Variants in EYA3 observed in about 807,000 individuals in gnomAD.
EYA3 encodes the protein EYA transcriptional coactivator and phosphatase 3, also known as protein phosphatase EYA3.
A neutral mutation model predicts 80.0 loss-of-function variants in EYA3; 39 were observed. That is an observed-to-expected ratio of 0.49 (90% CI 0.38 to 0.64). The LOEUF (loss-of-function observed/expected upper bound fraction) is 0.64, where lower values mean the gene tolerates loss of function less well. EYA3 is among the 30% of genes least tolerant of loss of function. The pLI is 0.00. For missense variants in EYA3, 523 were observed against 676.1 expected, an observed-to-expected ratio of 0.77 and a Z score of 2.51; for synonymous variants, 206 against 232.8, an observed-to-expected ratio of 0.88 and a Z score of 1.05.
intron 1 of EYA3, among the ~76,000 whole-genome samples, chr1:28,072,410 AGAT>A (rs1193627265): frequency 1.3e-5 from 2 of 152,098 alleles, no homozygotes; most frequent in African/African-American, 2.4e-5. Context: ...TGGCCTCTGT[AGAT>A]TTAGATCCTT....
intron 1 of EYA3, among the ~76,000 whole-genome samples, chr1:28,078,222 C>T (rs1163058404): frequency 3.9e-5 from 6 of 152,306 alleles, no homozygotes; most frequent in Admixed American, 2.0e-4. Context: ...ATTAAGATTA[C>T]GGCCCAAATA....
At chr1:28,074,177 A>G (rs1188875439) in intron 1 of EYA3, among the ~76,000 whole-genome samples, 1 of 152,222 alleles carries the variant, frequency 6.6e-6, no homozygotes, top group Non-Finnish European at 1.5e-5. Flanking sequence ...GTCAAATTGT[A>G]TAAATTCTTA....
At position 28,048,310 on chromosome 1, in the gene EYA3, C is replaced by A. The variant is rs541044300; in HGVS notation, c.77+73G>T. The A allele has an allele frequency of 3.8e-6, 4 of 1,044,928 alleles. No individual in the cohort carries two copies. The African/African-American group carries it at 6.5e-5, about 17-fold the overall frequency. The allele number at this position is 1,044,928 out of a possible 1,614,324, so 64.7% of individuals were successfully genotyped here. On this transcript the variant is annotated intron_variant, in intron 3 of 17. Transcript: ENST00000373871. ...AAAAAGAGGGCAAAGCATGCCCATA[C>A]GCTAATCAGCATGTGAAAAAAAAAA...
intron 17 of EYA3, among the ~76,000 whole-genome samples, chr1:27,975,508 CAG>C (rs1454480762): frequency 1.4e-5 from 2 of 137,998 alleles, no homozygotes; most frequent in East Asian, 2.2e-4. Context: ...TTTTTTGAGA[CAG>C]AGTCTCACTC....
intron 1 of EYA3, among the ~76,000 whole-genome samples, chr1:28,080,855 A>G (rs1645398577): frequency 6.6e-6 from 1 of 151,718 alleles, no homozygotes; most frequent in Non-Finnish European, 1.5e-5. Flanking sequence ...GGTTTAAGCG[A>G]TTCTCCTGCC....
At chr1:28,041,136 G>A (rs1014037221) in intron 4 of EYA3, among the ~76,000 whole-genome samples, 60 of 152,268 alleles carry the variant, frequency 3.9e-4, no homozygotes, top group African/African-American at 1.2e-3. Context: ...GGCTGAGGCC[G>A]GCAGATCACT....
Position 28,012,204 on chromosome 1 carries a change from G to A in EYA3, c.769+907C>T, listed in dbSNP as rs146718703. Among the ~76,000 whole-genome samples the A allele has an allele frequency of 3.3e-3, 497 of 152,292 alleles. 2 individuals carry two copies. Among genetic ancestry groups the A allele is most frequent in the Non-Finnish European group, 5.4e-3 (367 of 68,028 alleles). ...ACTGTTGAAGATGAATGATGGATATGTAAGTGTTCATCACACTAGCCTTGC... is the reference window on the plus strand; with the variant it reads ...ACTGTTGAAGATGAATGATGGATATATAAGTGTTCATCACACTAGCCTTGC... On this transcript the variant is annotated intron_variant, in intron 9 of 17. Coordinates refer to ENST00000373871, the MANE Select transcript of EYA3 (RefSeq NM_001990.4).
intron 1 of EYA3, among the ~76,000 whole-genome samples, chr1:28,067,633 T>G (rs1644879333): frequency 6.6e-6 from 1 of 151,820 alleles, no homozygotes. Flanking sequence ...GACAACAGTA[T>G]AGGCAGAAAG....
intron 5 of EYA3, among the ~76,000 whole-genome samples, chr1:28,036,449 G>A (rs186154025): frequency 1.8e-3 from 272 of 152,312 alleles, no homozygotes; most frequent in Non-Finnish European, 3.2e-3. Flanking sequence ...CTGGAAAAGC[G>A]GGTGAGGCTG....
chr1:27,986,851 T>A (rs1179720484), intron 16 of EYA3, among the ~76,000 whole-genome samples: 2 of 152,026 alleles, frequency 1.3e-5, no homozygotes, highest in Non-Finnish European at 2.9e-5. Flanking sequence ...TGCAGGCGAG[T>A]GCCACCACGC....
At chr1:28,047,935 G>C (rs1278550134) in intron 3 of EYA3, among the ~76,000 whole-genome samples, 1 of 152,164 alleles carries the variant, frequency 6.6e-6, no homozygotes, top group African/African-American at 2.4e-5. Flanking sequence ...GACCGTGCCA[G>C]GCGCAAGCTT....
At chr1:28,059,478 C>T (rs977607097) in intron 1 of EYA3, among the ~76,000 whole-genome samples, 2 of 152,170 alleles carry the variant, frequency 1.3e-5, no homozygotes, top group African/African-American at 4.8e-5. Flanking sequence ...CAGCTTAGAA[C>T]AACACAGTCA....
At chr1:27,990,029 AG>A (rs1336835115) in intron 14 of EYA3, 3 of 229,556 alleles carry the variant, frequency 1.3e-5, no homozygotes, top group African/African-American at 6.9e-5. Flanking sequence ...TGCTGTATAT[AG>A]GGGTGGGGTC....
At chr1:27,977,140 C>T in intron 17 of EYA3, 2 of 1,419,794 alleles carry the variant, frequency 1.4e-6, no homozygotes, top group Non-Finnish European at 9.2e-7. Flanking sequence ...CCTACACCCA[C>T]TAGTGTCTTT....
In EYA3 at chr1:28,013,014, T is replaced by C. The variant is rs1339012461; in HGVS notation, c.769+97A>G. On this transcript the variant is annotated intron_variant, in intron 9 of 17. Coordinates refer to ENST00000373871, the MANE Select transcript of EYA3 (RefSeq NM_001990.4). This position sits in a 1 kb window ranked among gnomAD's most constrained non-coding sequence, Gnocchi z 4.0. ...GGGAAAGCCAAAAGCATGGTAACAA[T>C]GACTTAAGACAGAACAAAATCATCC... The C allele has an allele frequency of 1.3e-5, 17 of 1,315,452 alleles. No homozygotes were observed. Among genetic ancestry groups the C allele is most frequent in the Non-Finnish European group, 1.8e-5 (17 of 955,290 alleles). 81.5% of individuals were successfully genotyped at this position (1,315,452 alleles called of 1,614,324 possible). A position where few individuals can be genotyped will look rare whatever the true frequency, so the allele number is the denominator to read the frequency against.
intron 7 of EYA3, among the ~76,000 whole-genome samples, chr1:28,023,137 A>G (rs1440320873): frequency 3.9e-5 from 6 of 152,124 alleles, no homozygotes; most frequent in African/African-American, 1.4e-4. Context: ...CAAAAGGCAT[A>G]GGAGCCAACT....
chr1:28,042,245 A>T (rs531499476), intron 4 of EYA3, among the ~76,000 whole-genome samples: 137 of 152,352 alleles, frequency 9.0e-4, no homozygotes, highest in African/African-American at 3.2e-3. Flanking sequence ...TTTAAAAAAT[A>T]TACATGGGAA....
At chr1:28,070,265 A>T (rs1195394127) in intron 1 of EYA3, among the ~76,000 whole-genome samples, 1 of 152,098 alleles carries the variant, frequency 6.6e-6, no homozygotes, top group Non-Finnish European at 1.5e-5. Context: ...GGAAATGAAG[A>T]AATCTAAGTA....
chr1:28,064,808 CTA>C lies in EYA3; in HGVS notation c.-68-6716_-68-6715del, dbSNP rs145660111. Among the ~76,000 whole-genome samples, 1,229 of 152,200 alleles carry C rather than the reference CTA, an allele frequency of 8.1e-3. 17 individuals are homozygous for C. Among genetic ancestry groups the C allele is most frequent in the African/African-American group, 0.028 (1,163 of 41,546 alleles). On this transcript the variant is annotated intron_variant, in intron 1 of 17. Coordinates refer to ENST00000373871, the MANE Select transcript of EYA3 (RefSeq NM_001990.4). ...CAGCTCCAAGTAATTTTTATATTCA[CTA>C]TCTCATCAAATTTTGTCTCCACAAC...
Sources: gnomAD v4.1 joint callset for allele counts (sites outside exome capture counted in the v4.1 genomes callset) on GRCh38, gnomAD v4.1.1 for gene constraint, Gnocchi (gnomAD v3.1) non-coding constraint, MANE v1.5 for transcripts, NCBI Gene and HGNC (gene_info 2026-07-23, HGNC 2026-07-21) for gene names.